The following DLGAP2 variants were observed in gnomAD, a reference collection of about 807,000 sequenced individuals.
DLGAP2 encodes DLG associated protein 2.
Under a neutral mutation model 100.3 loss-of-function variants are expected in DLGAP2, and 26 were observed. The ratio of observed to expected loss-of-function variants is 0.26; its 90% CI spans 0.19 to 0.36. The LOEUF (loss-of-function observed/expected upper bound fraction) is 0.36, where lower values mean the gene tolerates loss of function less well. Among genes scored for constraint, DLGAP2 ranks in the 10% least tolerant of loss-of-function variants. The pLI is 1.00. For synonymous variants in DLGAP2, 886 were observed against 630.1 expected, an observed-to-expected ratio of 1.41 and a Z score of -6.08; for missense variants, 1,858 against 1,453.2, an observed-to-expected ratio of 1.28 and a Z score of -4.53.
At position 1,133,079 on chromosome 8, in the gene DLGAP2, A is replaced by G. The variant is rs564588011; in HGVS notation, c.74-125772A>G. 5.8e-3 allele frequency among the ~76,000 whole-genome samples: 882 copies of G among 152,296 alleles called. 5 individuals carry two copies. The highest frequency in any genetic ancestry group is 0.014 in the Middle Eastern group (4 of 294). On this transcript the variant is annotated intron_variant, in intron 2 of 14. Transcript: ENST00000637795. ...GTCAGAGCCTGTGAAGGACAGTTCA[A>G]GGGCAGTTTCCAGGCGTTCCTTTAG...
intron 8 of DLGAP2, among the ~76,000 whole-genome samples, chr8:1,651,016 C>T (rs1798149651): frequency 6.6e-6 from 1 of 152,172 alleles, no homozygotes; most frequent in Admixed American, 6.5e-5. Context: ...ACCAAGAAAA[C>T]CCCTGCTCAG....
intron 2 of DLGAP2, among the ~76,000 whole-genome samples, chr8:1,087,851 C>T (rs1189503736): frequency 2.0e-5 from 3 of 152,224 alleles, no homozygotes; most frequent in African/African-American, 7.2e-5. Flanking sequence ...CATCAGCACA[C>T]AGTGCAAAGC....
At chr8:1,564,117 C>G (rs1375245865) in intron 5 of DLGAP2, among the ~76,000 whole-genome samples, 1 of 152,150 alleles carries the variant, frequency 6.6e-6, no homozygotes, top group East Asian at 1.9e-4. Context: ...TCTCTACACT[C>G]AGCGACTGCA....
intron 8 of DLGAP2, among the ~76,000 whole-genome samples, chr8:1,640,932 T>C (rs1008869959): frequency 2.0e-5 from 3 of 152,198 alleles, no homozygotes; most frequent in Non-Finnish European, 4.4e-5. Context: ...GCCTATAGGA[T>C]GAGTGGATGA....
At chr8:1,156,902 C>T (rs1023897670) in intron 2 of DLGAP2, among the ~76,000 whole-genome samples, 1 of 152,164 alleles carries the variant, frequency 6.6e-6, no homozygotes, top group Non-Finnish European at 1.5e-5. Flanking sequence ...CAGGAAGGCC[C>T]TGCCGTCCAC....
At chr8:1,601,641 T>A (rs953174016) in intron 6 of DLGAP2, among the ~76,000 whole-genome samples, 6 of 152,144 alleles carry the variant, frequency 3.9e-5, no homozygotes, top group Non-Finnish European at 8.8e-5. Flanking sequence ...GACAGATGTT[T>A]GTCACATTGA....
At chr8:781,976 T>G (rs1226824808) in intron 1 of DLGAP2, among the ~76,000 whole-genome samples, 1 of 151,978 alleles carries the variant, frequency 6.6e-6, no homozygotes, top group East Asian at 1.9e-4. Context: ...AAATGTACAG[T>G]TAAAAGGAAA....
intron 3 of DLGAP2, among the ~76,000 whole-genome samples, chr8:1,269,300 G>C (rs773944266): frequency 1.3e-5 from 2 of 152,188 alleles, no homozygotes; most frequent in Non-Finnish European, 2.9e-5. Context: ...CCAGCCTGGA[G>C]CTCCCAGCCT....
At chr8:1,146,952 T>C (rs1309804795) in intron 2 of DLGAP2, among the ~76,000 whole-genome samples, 1 of 152,214 alleles carries the variant, frequency 6.6e-6, no homozygotes, top group Admixed American at 6.5e-5. Flanking sequence ...ATTTCTCCTC[T>C]TCAGAATTGG....
rs910068422 is a variant in DLGAP2 at position 1,143,077 on chromosome 8, C to T, written c.74-115774C>T. Among the ~76,000 whole-genome samples, 17 of 152,294 alleles carry T rather than the reference C, an allele frequency of 1.1e-4. No homozygotes were observed. The East Asian group carries it at 1.2e-3, about 10-fold the overall frequency. On this transcript the variant is annotated intron_variant, in intron 2 of 14. Coordinates refer to ENST00000637795, the MANE Select transcript of DLGAP2 (RefSeq NM_001346810.2). Reference sequence around the variant, plus strand: ...CAGGGTGTGGGACTGCCGGCCACAGCGGGGCCACCAGCTGCTTGATGTTAG... The same window carrying T: ...CAGGGTGTGGGACTGCCGGCCACAGTGGGGCCACCAGCTGCTTGATGTTAG...
intron 3 of DLGAP2, among the ~76,000 whole-genome samples, chr8:1,363,832 G>A (rs1354985634): frequency 6.6e-6 from 1 of 152,182 alleles, no homozygotes; most frequent in Non-Finnish European, 1.5e-5. Flanking sequence ...CCGGCTGCCC[G>A]TGGCAGGCCT....
chr8:1,426,123 G>C (rs1440127023), intron 3 of DLGAP2, among the ~76,000 whole-genome samples: 1 of 152,180 alleles, frequency 6.6e-6, no homozygotes, highest in African/African-American at 2.4e-5. Context: ...GAAGAAACCG[G>C]CTCAGCTGCT....
At chr8:1,414,835 C>G (rs571346720) in intron 3 of DLGAP2, among the ~76,000 whole-genome samples, 3 of 152,174 alleles carry the variant, frequency 2.0e-5, no homozygotes, top group African/African-American at 4.8e-5. Context: ...ATGGCAAAAC[C>G]CCATGTCTAC....
chr8:913,725 T>C (rs1798535455), intron 2 of DLGAP2, among the ~76,000 whole-genome samples: 1 of 152,258 alleles, frequency 6.6e-6, no homozygotes, highest in Non-Finnish European at 1.5e-5. Context: ...TGTGACTTCA[T>C]TGTCCCACAG....
intron 2 of DLGAP2, among the ~76,000 whole-genome samples, chr8:1,211,861 C>T (rs558567733): frequency 1.4e-4 from 21 of 152,122 alleles, no homozygotes; most frequent in South Asian, 4.1e-4. Flanking sequence ...GATGACAGAG[C>T]GAGACTTCGT....
chr8:1,686,975 G>A (rs1477343080), intron 12 of DLGAP2, among the ~76,000 whole-genome samples: 2 of 152,116 alleles, frequency 1.3e-5, no homozygotes, highest in Non-Finnish European at 2.9e-5. Flanking sequence ...AATATCATAT[G>A]TGCCCCCAAT....
intron 6 of DLGAP2, among the ~76,000 whole-genome samples, chr8:1,590,253 G>T (rs1796251432): frequency 6.6e-6 from 1 of 152,194 alleles, no homozygotes; most frequent in East Asian, 1.9e-4. Context: ...GGCACTGGGG[G>T]TGAGGATCTC....
In DLGAP2 at chr8:1,093,818, G is replaced by T. The variant is rs1397514818; in HGVS notation, c.74-165033G>T. On this transcript the variant is annotated intron_variant, in intron 2 of 14. Coordinates refer to ENST00000637795, the MANE Select transcript of DLGAP2 (RefSeq NM_001346810.2). ...CAGCCATCATGGGCAGGCACCTGCT[G>T]CTTCTGGCTCTAGGAATATTCAGGT... is the stretch of plus-strand genomic sequence containing the variant. Among the ~76,000 whole-genome samples, 5 of 152,394 alleles carry T rather than the reference G, an allele frequency of 3.3e-5. No homozygotes were observed. In the East Asian group the frequency reaches 9.6e-4, roughly 29 times the overall value.
At chr8:987,489 A>G (rs780833608) in intron 2 of DLGAP2, among the ~76,000 whole-genome samples, 4 of 152,182 alleles carry the variant, frequency 2.6e-5, no homozygotes, top group Admixed American at 6.5e-5. Context: ...GGCCCAGCAC[A>G]GTTCTGCCGG....
Sources: gnomAD v4.1 joint callset for allele counts (sites outside exome capture counted in the v4.1 genomes callset) on GRCh38, gnomAD v4.1.1 for gene constraint, MANE v1.5 for transcripts, NCBI Gene and HGNC (gene_info 2026-07-23, HGNC 2026-07-21) for gene names.